CTNNA3: variants seen among roughly 807,000 people sequenced by gnomAD.
CTNNA3 encodes catenin alpha-3.
CTNNA3 carries 76 observed loss-of-function variants against 95.7 expected under a neutral mutation model. That is an observed-to-expected ratio of 0.79 (90% CI 0.66 to 0.96). The LOEUF (loss-of-function observed/expected upper bound fraction) is 0.96. Ranked by LOEUF, CTNNA3 falls within the 40% of genes least tolerant of loss-of-function variation. The pLI is 0.00. For missense variants in CTNNA3, 1,191 were observed against 1,089.8 expected, an observed-to-expected ratio of 1.09 and a Z score of -1.31; for synonymous variants, 431 against 374.4, an observed-to-expected ratio of 1.15 and a Z score of -1.74.
At chr10:66,276,330 A>G (rs927322112) in intron 13 of CTNNA3, among the ~76,000 whole-genome samples, 11 of 152,076 alleles carry the variant, frequency 7.2e-5, no homozygotes, top group Non-Finnish European at 8.8e-5. Flanking sequence ...CGTTATAGGA[A>G]AAATTTTACC....
chr10:66,246,977 C>T (rs7101136), intron 13 of CTNNA3, among the ~76,000 whole-genome samples: 3,344 of 147,486 alleles, frequency 0.023, 118 homozygotes, highest in African/African-American at 0.079. Context: ...CACTTGAACC[C>T]GGGAGGAGGT....
chr10:67,672,297 C>A (rs941077173), intron 1 of CTNNA3, among the ~76,000 whole-genome samples: 9 of 152,078 alleles, frequency 5.9e-5, no homozygotes, highest in Non-Finnish European at 1.2e-4. Flanking sequence ...AATTTTCTCC[C>A]ATTTTGTGGG....
At position 66,269,217 on chromosome 10, in the gene CTNNA3, TA is replaced by T. The variant is rs2091224946; in HGVS notation, c.1884+11252del. On this transcript the variant is annotated intron_variant, in intron 13 of 17. Coordinates refer to ENST00000433211, the MANE Select transcript of CTNNA3 (RefSeq NM_013266.4). ...AAGTTAAAAGACTACATGACTTACA[TA>T]GGGTTACAAAGATATTCCAAAGAAT... Among the ~76,000 whole-genome samples, 6 of 152,294 alleles carry T rather than the reference TA, an allele frequency of 3.9e-5. No homozygotes were observed. In the South Asian group the frequency reaches 1.2e-3, roughly 32 times the overall value.
At chr10:66,133,499 T>C (rs933287519) in intron 13 of CTNNA3, among the ~76,000 whole-genome samples, 41 of 141,092 alleles carry the variant, frequency 2.9e-4, no homozygotes, top group African/African-American at 1.1e-3. Context: ...GTCGACAGAG[T>C]GAGAGTCTGT....
rs1224629495 is a variant in CTNNA3 at position 65,918,272 on chromosome 10, G to A, written c.*2058C>T. 1 of 152,162 alleles carries A rather than the reference G, an allele frequency of 6.6e-6. No individual in the cohort carries two copies. Among genetic ancestry groups the A allele is most frequent in the African/African-American group, 2.4e-5 (1 of 41,448 alleles). The allele number at this position is 152,162 out of a possible 1,614,324, so 9.4% of individuals were successfully genotyped here. A position where few individuals can be genotyped will look rare whatever the true frequency, so the allele number is the denominator to read the frequency against. ...CCGGTGGACATTAGATTTTCTAAAT[G>A]AGATGCTTATGATTCTTGTGAATGT... On this transcript the variant is annotated 3_prime_UTR_variant, in exon 18 of 18. Coordinates refer to ENST00000433211, the MANE Select transcript of CTNNA3 (RefSeq NM_013266.4).
intron 11 of CTNNA3, among the ~76,000 whole-genome samples, chr10:66,477,703 T>C (rs1414053634): frequency 1.3e-5 from 2 of 152,044 alleles, no homozygotes; most frequent in Admixed American, 1.3e-4. Context: ...CTTGCCTGGA[T>C]CTTAGGGCAA....
intron 7 of CTNNA3, among the ~76,000 whole-genome samples, chr10:67,161,857 CATT>C (rs1861563370): frequency 6.6e-6 from 1 of 151,968 alleles, no homozygotes; most frequent in Non-Finnish European, 1.5e-5. Context: ...ACCATGCAAA[CATT>C]AATCAAAAGA....
chr10:66,452,713 G>A (rs531254625), intron 11 of CTNNA3, among the ~76,000 whole-genome samples: 2 of 152,040 alleles, frequency 1.3e-5, no homozygotes, highest in African/African-American at 2.4e-5. Context: ...AAAACTTAAG[G>A]TTGATTTTTG....
intron 9 of CTNNA3, 52 bp from the exon 10 acceptor site, chr10:66,621,836 C>G (rs1297091859): frequency 1.8e-6 from 2 of 1,104,000 alleles, no homozygotes; most frequent in Non-Finnish European, 2.7e-6. Context: ...CAAGGAAATG[C>G]AGCAACACTT....
chr10:67,512,167 AATAAG>A (rs1589376670), intron 5 of CTNNA3, among the ~76,000 whole-genome samples: 1 of 152,290 alleles, frequency 6.6e-6, no homozygotes, highest in East Asian at 1.9e-4. Flanking sequence ...ATCAAAACAA[AATAAG>A]ATATCACCTC....
intron 7 of CTNNA3, among the ~76,000 whole-genome samples, chr10:66,811,140 C>T (rs1841859179): frequency 6.6e-6 from 1 of 152,150 alleles, no homozygotes; most frequent in Admixed American, 6.5e-5. Flanking sequence ...ATGTAGTATA[C>T]TTGCACTAAA....
chr10:66,782,201 A>G (rs1840563260), intron 7 of CTNNA3, among the ~76,000 whole-genome samples: 1 of 152,138 alleles, frequency 6.6e-6, no homozygotes, highest in African/African-American at 2.4e-5. Flanking sequence ...TCTATATTAC[A>G]AAGTTGTTAT....
At chr10:66,852,369 T>C (rs1202240727) in intron 7 of CTNNA3, among the ~76,000 whole-genome samples, 1 of 152,166 alleles carries the variant, frequency 6.6e-6, no homozygotes, top group Non-Finnish European at 1.5e-5. Context: ...GTTATTAGGT[T>C]AGTGCTAGAC....
intron 7 of CTNNA3, among the ~76,000 whole-genome samples, chr10:67,165,125 A>C (rs1394027470): frequency 6.6e-6 from 1 of 152,196 alleles, no homozygotes; most frequent in Non-Finnish European, 1.5e-5. Context: ...TACCATAGTC[A>C]AATGTATAAA....
chr10:66,138,803 G>A (rs528692961), intron 13 of CTNNA3, among the ~76,000 whole-genome samples: 2 of 152,304 alleles, frequency 1.3e-5, no homozygotes, highest in African/African-American at 2.4e-5. Flanking sequence ...AGGTTGCAGT[G>A]AGCTGAGATT....
At chr10:66,263,205 A>T (rs1325325674) in intron 13 of CTNNA3, among the ~76,000 whole-genome samples, 2 of 152,012 alleles carry the variant, frequency 1.3e-5, no homozygotes, top group African/African-American at 4.8e-5. Context: ...TGCAGAGCAT[A>T]TTGGAACAAA....
At chr10:67,017,589 C>T (rs139748579) in intron 7 of CTNNA3, among the ~76,000 whole-genome samples, 26 of 152,212 alleles carry the variant, frequency 1.7e-4, no homozygotes, top group Non-Finnish European at 2.5e-4. Flanking sequence ...GTAACAGAAA[C>T]TCATATGGCT....
intron 2 of CTNNA3, among the ~76,000 whole-genome samples, chr10:67,622,141 A>C (rs1345279156): frequency 6.6e-6 from 1 of 152,210 alleles, no homozygotes; most frequent in Non-Finnish European, 1.5e-5. Flanking sequence ...GACCTTGAGC[A>C]GTGAAAATGA....
chr10:66,144,095 G>A (rs970889957), intron 13 of CTNNA3, among the ~76,000 whole-genome samples: 4 of 151,850 alleles, frequency 2.6e-5, no homozygotes, highest in Admixed American at 1.3e-4. Context: ...TTGTTATTTC[G>A]TGACTTCACT....
Sources: allele counts gnomAD v4.1 joint callset (sites outside exome capture counted in the v4.1 genomes callset), GRCh38; gene constraint gnomAD v4.1.1; transcripts MANE v1.5; gene names NCBI Gene and HGNC (gene_info 2026-07-23, HGNC 2026-07-21).